Variants in TMEM144 observed in about 807,000 individuals in gnomAD.
TMEM144 encodes transmembrane protein 144.
In TMEM144, 39 loss-of-function variants were observed where a neutral mutation model predicts 43.6. The ratio of observed to expected loss-of-function variants is 0.90; its 90% CI spans 0.69 to 1.17. TMEM144 has a LOEUF of 1.17. Among genes scored for constraint, TMEM144 ranks in the 50% most tolerant of loss-of-function variants. TMEM144 has a pLI of 0.00. For missense variants in TMEM144, 417 were observed against 411.9 expected (o/e 1.01, Z -0.11); for synonymous variants, 154 against 133.6 (o/e 1.15, Z -1.06).
chr4:158,237,484 G>A lies in TMEM144; in HGVS notation c.564-41G>A, dbSNP rs1735408103. The stretch of plus-strand genomic sequence containing the variant: ...CATTTGTGCGTTTGTCAGAAATACT[G>A]CTTTGAGCCAAGATTAATAGTGATT... On this transcript the variant is annotated intron_variant, in intron 8 of 12. Coordinates refer to ENST00000296529, the MANE Select transcript of TMEM144 (RefSeq NM_018342.5). The A allele has an allele frequency of 2.0e-6, 3 of 1,495,458 alleles. No homozygotes were observed. The East Asian group carries it at 6.8e-5, about 34-fold the overall frequency. The allele number at this position is 1,495,458 out of a possible 1,614,324, so 92.6% of individuals were successfully genotyped here.
At chr4:158,221,358 T>A (rs1190689370) in intron 6 of TMEM144, among the ~76,000 whole-genome samples, 1 of 152,124 alleles carries the variant, frequency 6.6e-6, no homozygotes, top group South Asian at 2.1e-4. Flanking sequence ...CAAAACATAA[T>A]GTCTTCTCCC....
Position 158,215,200 on chromosome 4 carries a change from T to G in TMEM144, c.119T>G (p.Leu40Arg). ...GTTTGTTTATTTCTAGGAATGTTTC[T>G]CCAGTGGGTTCTTTGTGCTGCCATA... ...KKFDTGDGMF[L>R]QWVLCAAIWL... is the part of the protein sequence containing the mutation. The change falls in exon 4 of 13, where the codon CTC becomes CGC. Residue 40 changes from leucine to arginine, a missense_variant. Transcript: ENST00000296529. 1 of 1,613,784 alleles carries G rather than the reference T, an allele frequency of 6.2e-7. No individual in the cohort carries two copies. The highest frequency in any genetic ancestry group is 8.5e-7 in the Non-Finnish European group (1 of 1,179,698).
At chr4:158,227,150 A>G (rs1032780905) in intron 6 of TMEM144, among the ~76,000 whole-genome samples, 2 of 151,776 alleles carry the variant, frequency 1.3e-5, no homozygotes, top group African/African-American at 4.8e-5. Context: ...TCCTAACGGA[A>G]TAGCCTCATA....
chr4:158,238,130 C>T (rs889159771), intron 9 of TMEM144, among the ~76,000 whole-genome samples: 1 of 152,106 alleles, frequency 6.6e-6, no homozygotes, highest in African/African-American at 2.4e-5. Flanking sequence ...AATTAATCTC[C>T]CAAGAGTAAA....
chr4:158,212,596 C>T lies in TMEM144; in HGVS notation c.-60-12C>T. The T allele has an allele frequency of 1.8e-6, 2 of 1,106,944 alleles. No homozygotes were observed. The highest frequency in any genetic ancestry group is 2.6e-6 in the Non-Finnish European group (2 of 767,412). The allele number at this position is 1,106,944 out of a possible 1,614,324, so 68.6% of individuals were successfully genotyped here. A position where few individuals can be genotyped will look rare whatever the true frequency, so the allele number is the denominator to read the frequency against. ...TCACGTCTCAATTGTTTCATTTTTTCTTTTATTTCAGAAGCTCCTGAAAAG... is the reference window on the plus strand; with the variant it reads ...TCACGTCTCAATTGTTTCATTTTTTTTTTTATTTCAGAAGCTCCTGAAAAG... On this transcript the variant is annotated splice_polypyrimidine_tract_variant and intron_variant, in intron 2 of 12. Coordinates refer to ENST00000296529, the MANE Select transcript of TMEM144 (RefSeq NM_018342.5).
At chr4:158,252,156 T>A (rs1736238358) in intron 12 of TMEM144, among the ~76,000 whole-genome samples, 1 of 152,210 alleles carries the variant, frequency 6.6e-6, no homozygotes, top group African/African-American at 2.4e-5. Flanking sequence ...TGATGGAACT[T>A]ATAGGAAATG....
chr4:158,237,730 C>T lies in TMEM144; in HGVS notation c.682+87C>T, dbSNP rs114034100. On this transcript the variant is annotated intron_variant, in intron 9 of 12. Coordinates refer to ENST00000296529, the MANE Select transcript of TMEM144 (RefSeq NM_018342.5). ...GTGATAATAGTAAATATTGATGGGT[C>T]GATTCGATCTTTCTTTGTCCTTGTA... 4,622 of 904,678 alleles carry T rather than the reference C, an allele frequency of 5.1e-3. 19 individuals carry two copies. The highest frequency in any genetic ancestry group is 6.4e-3 in the Non-Finnish European group (3,916 of 607,728). The allele number at this position is 904,678 out of a possible 1,614,324, so 56.0% of individuals were successfully genotyped here. A position where few individuals can be genotyped will look rare whatever the true frequency, so the allele number is the denominator to read the frequency against.
chr4:158,216,606 A>T (rs1734234161), intron 4 of TMEM144, among the ~76,000 whole-genome samples: 1 of 152,186 alleles, frequency 6.6e-6, no homozygotes, highest in African/African-American at 2.4e-5. Context: ...TTTAGCTGGT[A>T]GCTGAAATCA....
chr4:158,247,407 G>C (rs1187615256), intron 12 of TMEM144, among the ~76,000 whole-genome samples: 1 of 151,814 alleles, frequency 6.6e-6, no homozygotes, highest in African/African-American at 2.4e-5. Flanking sequence ...AAAGAAATAA[G>C]AAAATTATAA....
intron 8 of TMEM144, 127 bp downstream of exon 8, chr4:158,235,632 C>T (rs1413075500): frequency 2.1e-6 from 2 of 959,802 alleles, no homozygotes; most frequent in Non-Finnish European, 2.9e-6. Flanking sequence ...TGACTTCTAT[C>T]TCCATGCGGC....
intron 9 of TMEM144, among the ~76,000 whole-genome samples, chr4:158,238,712 T>C (rs978827291): frequency 1.3e-5 from 2 of 152,178 alleles, no homozygotes; most frequent in Non-Finnish European, 2.9e-5. Flanking sequence ...AGAGTCCTTG[T>C]AGGCACAAGG....
intron 6 of TMEM144, among the ~76,000 whole-genome samples, chr4:158,220,549 C>T (rs1314879941): frequency 1.3e-5 from 2 of 152,186 alleles, no homozygotes; most frequent in African/African-American, 4.8e-5. Context: ...ACCTATGTGG[C>T]CATGGGCAAA....
At chr4:158,225,249 AG>A (rs1734705854) in intron 6 of TMEM144, among the ~76,000 whole-genome samples, 1 of 151,998 alleles carries the variant, frequency 6.6e-6, no homozygotes, top group Non-Finnish European at 1.5e-5. Flanking sequence ...GCCCTTGGCC[AG>A]GGCCCTATAG....
At position 158,219,310 on chromosome 4, in the gene TMEM144, G is replaced by A; in HGVS notation, c.333G>A (p.Arg111=). The change falls in exon 6 of 13, where the codon AGG becomes AGA. Residue 111 remains arginine, a splice_region_variant and synonymous_variant. Coordinates refer to ENST00000296529, the MANE Select transcript of TMEM144 (RefSeq NM_018342.5). The part of the protein sequence containing the change: ...FNALTGWASS[R]FGWFGLDAEE... Reference sequence around the variant, plus strand: ...TTGATGTGACTTTCTGGATTTTCAGGTTTGGCTGGTTTGGATTGGATGCAG... The same window carrying A: ...TTGATGTGACTTTCTGGATTTTCAGATTTGGCTGGTTTGGATTGGATGCAG... 6.2e-7 allele frequency: 1 copy of A among 1,613,732 alleles called. No individual in the cohort carries two copies.
At chr4:158,235,598 A>G (rs1016214607) in intron 8 of TMEM144, 93 bp downstream of exon 8, 20 of 1,303,414 alleles carry the variant, frequency 1.5e-5, no homozygotes, top group Non-Finnish European at 2.0e-5. Context: ...TCTGAGTTCA[A>G]GAAGAAAATT....
intron 5 of TMEM144, among the ~76,000 whole-genome samples, chr4:158,218,363 G>A (rs932082970): frequency 7.9e-5 from 12 of 152,032 alleles, no homozygotes; most frequent in African/African-American, 2.7e-4. Flanking sequence ...AGTGGAATGT[G>A]GGGTGTTATT....
intron 6 of TMEM144, among the ~76,000 whole-genome samples, chr4:158,231,675 G>A (rs1214184559): frequency 1.3e-5 from 2 of 152,082 alleles, no homozygotes; most frequent in Non-Finnish European, 2.9e-5. Flanking sequence ...TCCAGCTAGG[G>A]AAGAAAGAGA....
chr4:158,253,364 C>A, intron 12 of TMEM144, 80 bp from the exon 13 acceptor site: 1 of 1,253,394 alleles, frequency 8.0e-7, no homozygotes. Flanking sequence ...GGTTAGGTCC[C>A]TAGCAATCTT....
At chr4:158,249,848 G>GA (rs113875171) in intron 12 of TMEM144, among the ~76,000 whole-genome samples, 2 of 146,492 alleles carry the variant, frequency 1.4e-5, no homozygotes, top group African/African-American at 2.5e-5. Context: ...TAAAAATTAA[G>GA]AAAAAAAAAG....
Sources: gnomAD v4.1 joint callset for allele counts (sites outside exome capture counted in the v4.1 genomes callset) on GRCh38, gnomAD v4.1.1 for gene constraint, MANE v1.5 for transcripts, NCBI Gene and HGNC (gene_info 2026-07-23, HGNC 2026-07-21) for gene names.